Variants in MMS22L observed in about 807,000 individuals in gnomAD.
MMS22L encodes protein MMS22-like.
In MMS22L, 74 loss-of-function variants were observed where a neutral mutation model predicts 159.1. The observed-to-expected ratio is 0.47, with a 90% CI of 0.39 to 0.56. The LOEUF is 0.56. Among genes scored for constraint, MMS22L ranks in the 20% least tolerant of loss-of-function variants. MMS22L has a pLI of 0.00. For synonymous variants in MMS22L, 517 were observed against 506.9 expected (o/e 1.02, Z -0.27); for missense variants, 1,351 against 1,422.1 (o/e 0.95, Z 0.80).
At chr6:97,197,518 C>T (rs1806660326) in intron 14 of MMS22L, among the ~76,000 whole-genome samples, 1 of 152,114 alleles carries the variant, frequency 6.6e-6, no homozygotes, top group South Asian at 2.1e-4. Context: ...AAAATAATCT[C>T]ACAACAAAAT....
chr6:97,225,582 T>C (rs905453234), intron 14 of MMS22L, among the ~76,000 whole-genome samples: 5 of 151,286 alleles, frequency 3.3e-5, no homozygotes, highest in Non-Finnish European at 7.4e-5. Flanking sequence ...GTTTTTTTTT[T>C]TTTCTTTTGA....
rs1808834469 is a variant in MMS22L, at chr6:97,215,016, T to A, written c.2039+13878A>T. Among the ~76,000 whole-genome samples the A allele has an allele frequency of 4.0e-5, 6 of 150,652 alleles. No individual in the cohort carries two copies. In the South Asian group the frequency reaches 1.3e-3, roughly 31 times the overall value. On this transcript the variant is annotated intron_variant, in intron 14 of 24. Coordinates refer to ENST00000683635, the MANE Select transcript of MMS22L (RefSeq NM_001350599.2). Reference sequence around the variant, plus strand: ...GAGTTTCACTTCATAAATGGATTAATCCTTGGTTCACTAGAAAATTCTAGA... The same window carrying A: ...GAGTTTCACTTCATAAATGGATTAAACCTTGGTTCACTAGAAAATTCTAGA...
At chr6:97,246,941 T>G (rs1327962905) in intron 10 of MMS22L, among the ~76,000 whole-genome samples, 1 of 151,400 alleles carries the variant, frequency 6.6e-6, no homozygotes, top group Non-Finnish European at 1.5e-5. Flanking sequence ...ATTATAAATA[T>G]TCTACCAAAT....
At chr6:97,216,703 A>G (rs1475068329) in intron 14 of MMS22L, among the ~76,000 whole-genome samples, 1 of 152,206 alleles carries the variant, frequency 6.6e-6, no homozygotes, top group African/African-American at 2.4e-5. Flanking sequence ...TCTTCCTACA[A>G]ACTCATTGCT....
chr6:97,150,851 T>C (rs905855174), intron 23 of MMS22L, among the ~76,000 whole-genome samples: 1 of 152,006 alleles, frequency 6.6e-6, no homozygotes, highest in Non-Finnish European at 1.5e-5. Context: ...CTGGAAGAAA[T>C]CTTCAGAAAG....
chr6:97,254,000 T>A (rs1254778621), intron 10 of MMS22L: 1 of 152,246 alleles, frequency 6.6e-6, no homozygotes, highest in South Asian at 2.1e-4. Context: ...ATTCATAGGG[T>A]TTTTAAGTAA....
chr6:97,183,194 A>C (rs564244073), intron 15 of MMS22L, among the ~76,000 whole-genome samples: 1 of 152,066 alleles, frequency 6.6e-6, no homozygotes, highest in Non-Finnish European at 1.5e-5. Context: ...CTTTGATTCC[A>C]TCAGGACCTA....
chr6:97,195,585 CAGA>C (rs975834041), intron 14 of MMS22L, among the ~76,000 whole-genome samples: 36 of 152,270 alleles, frequency 2.4e-4, no homozygotes, highest in African/African-American at 8.4e-4. Context: ...TCATTCACTT[CAGA>C]AGAAGTTACT....
At chr6:97,281,877 CA>C (rs1562536769) in intron 2 of MMS22L, among the ~76,000 whole-genome samples, 1 of 152,066 alleles carries the variant, frequency 6.6e-6, no homozygotes, top group Admixed American at 6.5e-5. Context: ...TGTACCTGCC[CA>C]AGGCAAAATA....
At chr6:97,186,416 T>G in intron 15 of MMS22L, 81 bp downstream of exon 15, 1 of 1,206,276 alleles carries the variant, frequency 8.3e-7, no homozygotes, top group Non-Finnish European at 1.1e-6. Context: ...TATACAAGAG[T>G]TTGTTACTAA....
At chr6:97,271,387 ATAAAT>A (rs1302987497) in intron 6 of MMS22L, 2 of 152,174 alleles carry the variant, frequency 1.3e-5, no homozygotes, top group African/African-American at 2.4e-5. Flanking sequence ...CTGCTGCTAT[ATAAAT>A]TATTCATTTT....
intron 8 of MMS22L, chr6:97,267,382 C>CT (rs1815236358): frequency 6.6e-6 from 1 of 151,962 alleles, no homozygotes; most frequent in African/African-American, 2.4e-5. Flanking sequence ...ATTAAACACT[C>CT]TATGATAAAC....
At chr6:97,246,896 C>T (rs1042370824) in intron 10 of MMS22L, among the ~76,000 whole-genome samples, 1 of 151,840 alleles carries the variant, frequency 6.6e-6, no homozygotes, top group Non-Finnish European at 1.5e-5. Context: ...CAATACAAAC[C>T]ATATCAGGAG....
At chr6:97,231,355 A>G (rs1401093165) in intron 13 of MMS22L, 71 bp downstream of exon 13, 1 of 1,129,114 alleles carries the variant, frequency 8.9e-7, no homozygotes, top group Admixed American at 2.0e-5. Context: ...AAGTAAACAT[A>G]ACAAAATACA....
At chr6:97,210,322 C>T (rs1808241123) in intron 14 of MMS22L, among the ~76,000 whole-genome samples, 1 of 151,764 alleles carries the variant, frequency 6.6e-6, no homozygotes, top group African/African-American at 2.4e-5. Flanking sequence ...TTAACCTATC[C>T]CCTTCACTTT....
chr6:97,163,888 TA>T (rs1241540278), intron 21 of MMS22L, among the ~76,000 whole-genome samples: 2 of 152,000 alleles, frequency 1.3e-5, no homozygotes, highest in East Asian at 1.9e-4. Flanking sequence ...TGAATCTTAT[TA>T]GGGGTTGTAT....
intron 22 of MMS22L, among the ~76,000 whole-genome samples, chr6:97,157,468 CTCTTA>C (rs1296604932): frequency 6.6e-6 from 1 of 152,104 alleles, no homozygotes; most frequent in African/African-American, 2.4e-5. Context: ...TCATAAACAG[CTCTTA>C]TTATTTTGAG....
At chr6:97,167,957 A>G in intron 20 of MMS22L, 114 bp downstream of exon 20, 2 of 900,636 alleles carry the variant, frequency 2.2e-6, no homozygotes, top group Admixed American at 2.7e-5. Context: ...TGTGCCACAC[A>G]AGCATTTGAG....
At chr6:97,261,848 G>A (rs1475796834) in intron 9 of MMS22L, 1 of 151,888 alleles carries the variant, frequency 6.6e-6, no homozygotes, top group East Asian at 1.9e-4. Flanking sequence ...GTCTTGCTTT[G>A]TCATCCAGGC....
Sources: gnomAD v4.1 joint callset for allele counts (sites outside exome capture counted in the v4.1 genomes callset) on GRCh38, gnomAD v4.1.1 for gene constraint, MANE v1.5 for transcripts, NCBI Gene and HGNC (gene_info 2026-07-23, HGNC 2026-07-21) for gene names.